Variants in LITAF observed in about 807,000 individuals in gnomAD.
The protein encoded by LITAF is lipopolysaccharide induced TNF factor, also known as lipopolysaccharide-induced tumor necrosis factor-alpha factor.
A neutral mutation model predicts 14.5 loss-of-function variants in LITAF; 9 were observed. That is an observed-to-expected ratio of 0.62 (90% confidence interval 0.37 to 1.08). The LOEUF is 1.08. Among genes scored for constraint, LITAF ranks in the 50% least tolerant of loss-of-function variants. The probability of loss-of-function intolerance (pLI) is 0.01; values close to 1 mark genes in which losing one functional copy is unlikely to be tolerated. For missense variants in LITAF, 206 were observed against 213.4 expected (o/e 0.97, Z 0.22); for synonymous variants, 98 against 88.2 (o/e 1.11, Z -0.62).
chr16:11,558,051 C>T lies in LITAF; in HGVS notation c.-5-1316G>A, dbSNP rs985314964. On this transcript the variant is annotated intron_variant, in intron 1 of 3. Coordinates refer to ENST00000622633, the MANE Select transcript of LITAF (RefSeq NM_001136472.2). The surrounding 1 kb of genome is among the most constrained non-coding windows in gnomAD (Gnocchi z 4.1). ...GCTGCCTTAGAAGAGCCATTCAAACCTGTCTCGGGAGAAATGGGAAATGAG... is the reference window on the plus strand; with the variant it reads ...GCTGCCTTAGAAGAGCCATTCAAACTTGTCTCGGGAGAAATGGGAAATGAG... Among the ~76,000 whole-genome samples the T allele has an allele frequency of 1.3e-5, 2 of 152,128 alleles. No homozygotes were observed. The highest frequency in any genetic ancestry group is 4.8e-5 in the African/African-American group (2 of 41,426).
In LITAF at chr16:11,632,174, G is replaced by T. The variant is rs1247038035; in HGVS notation, c.85+1359C>A. Among the ~76,000 whole-genome samples, 1 of 152,152 alleles carries T rather than the reference G, an allele frequency of 6.6e-6. No homozygotes were observed. The highest frequency in any genetic ancestry group is 1.5e-5 in the Non-Finnish European group (1 of 68,036). ...GAGCCACTGCGCCCGGCCTCGCAAA[G>T]AACCTATTTTCAAATCAGGTCACCT... is the stretch of plus-strand genomic sequence containing the variant. On this transcript the variant is annotated intron_variant, in intron 3 of 3. Transcript: ENST00000574848. The surrounding 1 kb of genome is among the most constrained non-coding windows in gnomAD (Gnocchi z 4.8).
rs777609884 is a variant in LITAF, at chr16:11,549,809, A to C, written c.378-64T>G. On this transcript the variant is annotated intron_variant, in intron 3 of 3. Transcript: ENST00000622633. The surrounding 1 kb of genome is among the most constrained non-coding windows in gnomAD (Gnocchi z 4.6). ...CACAACAGGGTGAACACTGGCTGCC[A>C]AAACCATGTTCATGTCCTTCTTTGT... 7.9e-7 allele frequency: 1 copy of C among 1,264,376 alleles called. No individual in the cohort carries two copies. Among genetic ancestry groups the C allele is most frequent in the South Asian group, 1.3e-5 (1 of 79,642 alleles). 78.3% of individuals were successfully genotyped at this position (1,264,376 alleles called of 1,614,324 possible).
intron 3 of LITAF, among the ~76,000 whole-genome samples, chr16:11,626,997 C>T (rs1003636562): frequency 6.6e-6 from 1 of 152,188 alleles, no homozygotes; most frequent in Non-Finnish European, 1.5e-5. Context: ...CACGCACCAC[C>T]ATGCCTGGCT....
chr16:11,552,167 A>C (rs2064191683), intron 3 of LITAF, among the ~76,000 whole-genome samples: 1 of 152,210 alleles, frequency 6.6e-6, no homozygotes, highest in Non-Finnish European at 1.5e-5. Flanking sequence ...TGCCGGTTGC[A>C]TGAGGCTCCT....
chr16:11,593,025 G>T (rs2064857302), intron 1 of LITAF, among the ~76,000 whole-genome samples: 1 of 152,084 alleles, frequency 6.6e-6, no homozygotes, highest in South Asian at 2.1e-4. Flanking sequence ...AAAAAAATTA[G>T]CCGGGCGTTA....
At position 11,548,713 on chromosome 16, in the gene LITAF, T is replaced by C. The variant is rs1226724010; in HGVS notation, c.*924A>G. ...TGTTCAGGCCCAGCATGGTAGCTTA[T>C]GCCTGCAATCCCAGCACTTCGGGAG... On this transcript the variant is annotated 3_prime_UTR_variant, in exon 4 of 4. Transcript: ENST00000622633. 4.4e-6 allele frequency: 2 copies of C among 453,774 alleles called. No homozygotes were observed. Among genetic ancestry groups the C allele is most frequent in the East Asian group, 6.9e-5 (1 of 14,406 alleles). The allele number at this position is 453,774 out of a possible 1,614,324, so 28.1% of individuals were successfully genotyped here. A position where few individuals can be genotyped will look rare whatever the true frequency, so the allele number is the denominator to read the frequency against.
upstream of LITAF, among the ~76,000 whole-genome samples, chr16:11,591,533 A>G (rs2064846087): frequency 6.6e-6 from 1 of 151,906 alleles, no homozygotes; most frequent in South Asian, 2.1e-4. Context: ...TAATCAAAGC[A>G]TGTGGTTCTG....
chr16:11,573,262 G>C (rs1208269164), intron 1 of LITAF, among the ~76,000 whole-genome samples: 1 of 152,026 alleles, frequency 6.6e-6, no homozygotes, highest in Non-Finnish European at 1.5e-5. Flanking sequence ...CATAACCAAT[G>C]CCATGATATC....
chr16:11,549,261 T>C lies in LITAF; in HGVS notation c.*376A>G, dbSNP rs1476062556. 3 of 436,122 alleles carry C rather than the reference T, an allele frequency of 6.9e-6. No homozygotes were observed. The highest frequency in any genetic ancestry group is 5.1e-5 in the Admixed American group (2 of 39,348). 27.0% of individuals were successfully genotyped at this position (436,122 alleles called of 1,614,324 possible). A position where few individuals can be genotyped will look rare whatever the true frequency, so the allele number is the denominator to read the frequency against. ...TCAAAAATAAGGCAACTGTGGCTTCTCAGTTTGAGACTGCCACCAGAAAGG... is the reference window on the plus strand; with the variant it reads ...TCAAAAATAAGGCAACTGTGGCTTCCCAGTTTGAGACTGCCACCAGAAAGG... On this transcript the variant is annotated 3_prime_UTR_variant, in exon 4 of 4. Coordinates refer to ENST00000622633, the MANE Select transcript of LITAF (RefSeq NM_001136472.2). This position sits in a 1 kb window ranked among gnomAD's most constrained non-coding sequence, Gnocchi z 4.6.
chr16:11,639,673 G>A (rs1376001894), upstream of LITAF, among the ~76,000 whole-genome samples: 1 of 148,380 alleles, frequency 6.7e-6, no homozygotes, highest in Non-Finnish European at 1.5e-5. Flanking sequence ...TCCAAAGTCT[G>A]GGCAAAGAAA....
intron 3 of LITAF, among the ~76,000 whole-genome samples, chr16:11,623,174 G>GA (rs1379297970): frequency 1.3e-5 from 2 of 151,206 alleles, no homozygotes; most frequent in African/African-American, 4.9e-5. Context: ...TGTTAGCCAG[G>GA]ATGGTCTCGA....
Position 11,556,700 on chromosome 16 carries a change from T to A in LITAF, c.31A>T (p.Thr11Ser). The part of the protein sequence containing the change: MSVPGPYQAA[T>S]GPSSAPSAPP... ...GCGGATGGTGCTGAGGAAGGCCCAG[T>A]GGCCGCCTGGTAAGGTCCTGGAACC... The change falls in exon 2 of 4, where the codon ACT becomes TCT. Residue 11 changes from threonine (T) to serine (S), a missense_variant. Transcript: ENST00000622633. The A allele has an allele frequency of 6.2e-7, 1 of 1,614,196 alleles. No homozygotes were observed. The highest frequency in any genetic ancestry group is 8.5e-7 in the Non-Finnish European group (1 of 1,180,040).
At chr16:11,589,124 C>CA (rs1263563137), upstream of LITAF, among the ~76,000 whole-genome samples, 3 of 152,020 alleles carry the variant, frequency 2.0e-5, no homozygotes, top group Admixed American at 1.3e-4. Flanking sequence ...CTTTGATCCC[C>CA]AAAAAACCAC....
chr16:11,629,510 G>A (rs2065105308), intron 3 of LITAF, among the ~76,000 whole-genome samples: 1 of 151,478 alleles, frequency 6.6e-6, no homozygotes, highest in African/African-American at 2.4e-5. Context: ...CCTGTCCTCG[G>A]CCAGTCGGTC....
chr16:11,556,716 T>A lies in LITAF; in HGVS notation c.15A>T (p.Gly5=). ...AAGGCCCAGTGGCCGCCTGGTAAGGTCCTGGAACCGACATTTTACCTAAAA... is the reference window on the plus strand; with the variant it reads ...AAGGCCCAGTGGCCGCCTGGTAAGGACCTGGAACCGACATTTTACCTAAAA... MSVP[G]PYQAATGPSS... Residue 5 remains glycine (G), a synonymous_variant, in exon 2 of 4, where the codon GGA becomes GGT. Coordinates refer to ENST00000622633, the MANE Select transcript of LITAF (RefSeq NM_001136472.2). 1 of 1,614,118 alleles carries A rather than the reference T, an allele frequency of 6.2e-7. No individual in the cohort carries two copies.
At chr16:11,602,390 T>C (rs966054170), upstream of LITAF, among the ~76,000 whole-genome samples, 2 of 152,000 alleles carry the variant, frequency 1.3e-5, no homozygotes, top group South Asian at 2.1e-4. Context: ...TCTGCCACTG[T>C]TAAGGAGGAA....
intron 3 of LITAF, among the ~76,000 whole-genome samples, chr16:11,607,027 T>C (rs1440608375): frequency 1.3e-5 from 2 of 152,200 alleles, no homozygotes; most frequent in African/African-American, 4.8e-5. Context: ...CAGAGAGCTT[T>C]CAGGAATGGC....
intron 3 of LITAF, among the ~76,000 whole-genome samples, chr16:11,608,806 T>C (rs1383596658): frequency 6.6e-6 from 1 of 151,984 alleles, no homozygotes; most frequent in African/African-American, 2.4e-5. Context: ...CTACTAAAAA[T>C]ACAAAAATTA....
intron 3 of LITAF, among the ~76,000 whole-genome samples, chr16:11,616,945 C>T (rs1761055856): frequency 1.3e-5 from 2 of 148,598 alleles, no homozygotes; most frequent in African/African-American, 5.0e-5. Flanking sequence ...GCCAGCAGGG[C>T]GCAGTGGCTC....
Sources: allele counts gnomAD v4.1 joint callset (sites outside exome capture counted in the v4.1 genomes callset), GRCh38; gene constraint gnomAD v4.1.1; non-coding constraint Gnocchi (gnomAD v3.1); transcripts MANE v1.5; gene names NCBI Gene and HGNC (gene_info 2026-07-23, HGNC 2026-07-21).